Variants in ADGB observed in about 807,000 individuals in gnomAD.
ADGB encodes the protein calpain-7-like protein.
ADGB carries 172 observed loss-of-function variants against 210.5 expected under a neutral mutation model. The ratio of observed to expected loss-of-function variants is 0.82; its 90% CI spans 0.72 to 0.93. The LOEUF (loss-of-function observed/expected upper bound fraction) is 0.93, where lower values mean the gene tolerates loss of function less well. Among genes scored for constraint, ADGB ranks in the 40% least tolerant of loss-of-function variants. The pLI, the probability that ADGB is intolerant of heterozygous loss-of-function variation, is 0.00. For missense variants in ADGB, 2,025 were observed against 1,964.8 expected (o/e 1.03, Z -0.58); for synonymous variants, 658 against 662.7 (o/e 0.99, Z 0.11).
chr6:146,648,476 C>T (rs1775653610), intron 3 of ADGB, among the ~76,000 whole-genome samples: 1 of 152,080 alleles, frequency 6.6e-6, no homozygotes, highest in Non-Finnish European at 1.5e-5. Flanking sequence ...GGGGAGGCCT[C>T]AGGAAATTTA....
chr6:146,788,662 A>G, intron 33 of ADGB, 52 bp downstream of exon 33: 3 of 1,491,774 alleles, frequency 2.0e-6, no homozygotes, highest in South Asian at 2.4e-5. Flanking sequence ...AATAAAAATT[A>G]TGGAAAAGAT....
chr6:146,609,592 A>G (rs1032239381), intron 1 of ADGB, among the ~76,000 whole-genome samples: 3 of 152,104 alleles, frequency 2.0e-5, no homozygotes, highest in Non-Finnish European at 2.9e-5. Context: ...ACAGTCTTTC[A>G]TTTCCATATT....
intron 1 of ADGB, among the ~76,000 whole-genome samples, chr6:146,630,410 T>A (rs1781046812): frequency 6.6e-6 from 1 of 151,746 alleles, no homozygotes. Flanking sequence ...ATACAAATAC[T>A]TATAAATATG....
rs1337703825 is a variant in ADGB, at chr6:146,666,906, T to C, written c.839+4T>C. ...TACCAGAAGTCATTTCTCTTCAGTATGTTTGACTATTAAATTGCTCATATC... is the reference window on the plus strand; with the variant it reads ...TACCAGAAGTCATTTCTCTTCAGTACGTTTGACTATTAAATTGCTCATATC... On this transcript the variant is annotated splice_donor_region_variant and intron_variant, in intron 7 of 35. Coordinates refer to ENST00000397944, the MANE Select transcript of ADGB (RefSeq NM_024694.4). The C allele has an allele frequency of 2.0e-6, 3 of 1,533,992 alleles. No individual in the cohort carries two copies. Among genetic ancestry groups the C allele is most frequent in the Non-Finnish European group, 2.6e-6 (3 of 1,132,644 alleles).
intron 5 of ADGB, among the ~76,000 whole-genome samples, chr6:146,657,845 A>G (rs1775806466): frequency 2.6e-5 from 4 of 152,158 alleles, no homozygotes; most frequent in Admixed American, 2.6e-4. Flanking sequence ...CCTCTGCCTA[A>G]AAGGAAAGCA....
At chr6:146,635,585 A>T in intron 2 of ADGB, 48 bp downstream of exon 2, 1 of 1,445,942 alleles carries the variant, frequency 6.9e-7, no homozygotes, top group Non-Finnish European at 9.2e-7. Context: ...TTTTAATTTT[A>T]TAATGGAATG....
At chr6:146,617,922 C>A (rs1451303363) in intron 1 of ADGB, among the ~76,000 whole-genome samples, 1 of 151,990 alleles carries the variant, frequency 6.6e-6, no homozygotes, top group Non-Finnish European at 1.5e-5. Context: ...ACTTTTGAAT[C>A]CCCAAAACCT....
At chr6:146,774,716 A>T (rs569276070) in intron 29 of ADGB, among the ~76,000 whole-genome samples, 1 of 152,326 alleles carries the variant, frequency 6.6e-6, no homozygotes, top group South Asian at 2.1e-4. Context: ...ACAACTTAAA[A>T]TCTACCTGCT....
At chr6:146,613,523 A>G (rs1707528042) in intron 1 of ADGB, among the ~76,000 whole-genome samples, 1 of 152,218 alleles carries the variant, frequency 6.6e-6, no homozygotes, top group Admixed American at 6.5e-5. Context: ...TTAAGAAAAT[A>G]ATGGCAAAAT....
intron 1 of ADGB, among the ~76,000 whole-genome samples, chr6:146,620,485 T>TC (rs1780872173): frequency 6.6e-6 from 1 of 152,104 alleles, no homozygotes; most frequent in Admixed American, 6.5e-5. Flanking sequence ...TCTTTTTTTT[T>TC]CTTTTTGCTC....
chr6:146,652,573 T>C (rs917548086), intron 3 of ADGB, among the ~76,000 whole-genome samples: 4 of 152,148 alleles, frequency 2.6e-5, no homozygotes, highest in African/African-American at 9.7e-5. Context: ...TTATAGCTCA[T>C]TTTAAAAAAG....
intron 8 of ADGB, among the ~76,000 whole-genome samples, chr6:146,674,417 T>C (rs1166296664): frequency 2.0e-5 from 3 of 152,130 alleles, no homozygotes; most frequent in African/African-American, 7.2e-5. Flanking sequence ...AGTATATGTT[T>C]TCTGAGAAGA....
chr6:146,792,901 G>A (rs907694985), intron 33 of ADGB, among the ~76,000 whole-genome samples: 5 of 152,004 alleles, frequency 3.3e-5, no homozygotes, highest in Admixed American at 6.6e-5. Flanking sequence ...TCCTGGTCTC[G>A]CTGACTTCAA....
chr6:146,802,658 C>T, intron 35 of ADGB: 1 of 782,792 alleles, frequency 1.3e-6, no homozygotes, highest in Non-Finnish European at 2.0e-6. Flanking sequence ...TTAGTGGTTT[C>T]ATTATGTGGC....
intron 5 of ADGB, among the ~76,000 whole-genome samples, chr6:146,661,719 A>G (rs1468180792): frequency 2.0e-5 from 3 of 151,342 alleles, no homozygotes; most frequent in Non-Finnish European, 4.4e-5. Flanking sequence ...TTGATGTTCC[A>G]TTTTTCCTTT....
At chr6:146,713,309 A>C (rs912930909) in intron 13 of ADGB, among the ~76,000 whole-genome samples, 1 of 152,230 alleles carries the variant, frequency 6.6e-6, no homozygotes, top group Non-Finnish European at 1.5e-5. Flanking sequence ...TAATCATTTG[A>C]GGAACCACCA....
intron 1 of ADGB, among the ~76,000 whole-genome samples, chr6:146,618,587 T>C (rs1780837749): frequency 6.6e-6 from 1 of 152,058 alleles, no homozygotes; most frequent in African/African-American, 2.4e-5. Context: ...TTTTTAAATT[T>C]CCTTTTTAAT....
chr6:146,633,377 A>G (rs1250772918), intron 1 of ADGB, among the ~76,000 whole-genome samples: 1 of 151,942 alleles, frequency 6.6e-6, no homozygotes, highest in Non-Finnish European at 1.5e-5. Flanking sequence ...TAATAATATC[A>G]TTTTGGACCC....
chr6:146,714,636 CCTT>C (rs1330378524), intron 13 of ADGB, among the ~76,000 whole-genome samples: 6 of 152,154 alleles, frequency 3.9e-5, no homozygotes, highest in Non-Finnish European at 5.9e-5. Context: ...AAGTGCAAAT[CCTT>C]CTACAGACAT....
Sources: gnomAD v4.1 joint callset for allele counts (sites outside exome capture counted in the v4.1 genomes callset) on GRCh38, gnomAD v4.1.1 for gene constraint, MANE v1.5 for transcripts, NCBI Gene and HGNC (gene_info 2026-07-23, HGNC 2026-07-21) for gene names.